The following VRK2 variants were observed in gnomAD, a reference collection of about 807,000 sequenced individuals.
VRK2 encodes the protein serine/threonine-protein kinase VRK2.
Under a neutral mutation model 57.6 loss-of-function variants are expected in VRK2, and 60 were observed. The observed-to-expected ratio is 1.04, with a 90% CI of 0.85 to 1.29. The LOEUF (loss-of-function observed/expected upper bound fraction) is 1.29. VRK2 is among the 50% of genes most tolerant of loss of function. The pLI, the probability that VRK2 is intolerant of heterozygous loss-of-function variation, is 0.00. For synonymous variants in VRK2, 231 were observed against 199.2 expected, an observed-to-expected ratio of 1.16 and a Z score of -1.35; for missense variants, 705 against 588.1, an observed-to-expected ratio of 1.20 and a Z score of -2.06.
At chr2:57,978,809 G>A (rs751131527) in intron 1 of VRK2, among the ~76,000 whole-genome samples, 14 of 149,506 alleles carry the variant, frequency 9.4e-5, no homozygotes, top group South Asian at 2.1e-4. Context: ...CCTCACCCCC[G>A]ACCCTACAAC....
At chr2:58,045,091 T>C (rs746371396), upstream of VRK2, among the ~76,000 whole-genome samples, 13 of 152,162 alleles carry the variant, frequency 8.5e-5, no homozygotes, top group Admixed American at 3.9e-4. Context: ...TGTGAGTAAA[T>C]TGGAATAACA....
chr2:57,952,981 T>C (rs143819797), intron 1 of VRK2, among the ~76,000 whole-genome samples: 18 of 152,314 alleles, frequency 1.2e-4, no homozygotes, highest in African/African-American at 3.4e-4. Context: ...CGTGGGATGA[T>C]GCATATCTGT....
chr2:58,061,517 A>T (rs1677340432), intron 2 of VRK2, among the ~76,000 whole-genome samples: 1 of 151,982 alleles, frequency 6.6e-6, no homozygotes, highest in Non-Finnish European at 1.5e-5. Flanking sequence ...GTTGCCAAAA[A>T]AGCAATACTT....
intron 12 of VRK2, among the ~76,000 whole-genome samples, chr2:58,155,625 C>T (rs191365465): frequency 6.6e-6 from 1 of 152,008 alleles, no homozygotes; most frequent in Non-Finnish European, 1.5e-5. Flanking sequence ...GTCAACAGGG[C>T]TCTACCTGTC....
In VRK2 at chr2:58,048,835, C is replaced by T. The variant is rs1193583209; in HGVS notation, c.4C>T (p.Pro2Ser). Residue 2 changes from proline to serine, a missense_variant, in exon 2 of 13, where the codon CCA becomes TCA. Coordinates refer to ENST00000340157, the MANE Select transcript of VRK2 (RefSeq NM_006296.7). M[P>S]PKRNEKYKLP... ...ACCCCTTCTGCCAACAGAAGTGATG[C>T]CACCAAAAAGAAATGAAAAATACAA... 1.9e-6 allele frequency: 3 copies of T among 1,613,150 alleles called. No individual in the cohort carries two copies. The highest frequency in any genetic ancestry group is 3.3e-5 in the Admixed American group (2 of 59,892).
At chr2:57,956,847 A>G (rs926993758) in intron 1 of VRK2, among the ~76,000 whole-genome samples, 23 of 152,196 alleles carry the variant, frequency 1.5e-4, no homozygotes, top group Admixed American at 1.3e-3. Flanking sequence ...CAGTTTTAAA[A>G]TGTCTGCCAT....
intron 7 of VRK2, among the ~76,000 whole-genome samples, chr2:58,105,498 T>C (rs559609645): frequency 6.6e-6 from 1 of 151,882 alleles, no homozygotes; most frequent in South Asian, 2.1e-4. Flanking sequence ...AACTGAGATA[T>C]CATCTTATGC....
Position 58,159,716 on chromosome 2 carries a change from G to A in VRK2, c.*23G>A, listed in dbSNP as rs763874552. On this transcript the variant is annotated 3_prime_UTR_variant, in exon 13 of 13. Coordinates refer to ENST00000340157, the MANE Select transcript of VRK2 (RefSeq NM_006296.7). ...TGAAGATGATACCAAAATTCCTTTT[G>A]ATAATTTTTTAAGTTTCCAGCTCTT... The A allele has an allele frequency of 3.7e-6, 6 of 1,611,596 alleles. No homozygotes were observed. The Admixed American group carries it at 1.0e-4, about 27-fold the overall frequency.
At chr2:58,039,557 C>A (rs1674380303) in intron 3 of VRK2, among the ~76,000 whole-genome samples, 1 of 152,026 alleles carries the variant, frequency 6.6e-6, no homozygotes, top group African/African-American at 2.4e-5. Context: ...TTGTCTTTCC[C>A]CAACTCATTA....
At chr2:57,933,415 C>T (rs1189816100) in intron 1 of VRK2, among the ~76,000 whole-genome samples, 2 of 141,848 alleles carry the variant, frequency 1.4e-5, no homozygotes, top group Non-Finnish European at 3.0e-5. Context: ...CAGGTTCAAG[C>T]GATTCTTCTG....
At position 57,932,793 on chromosome 2, in the gene VRK2, T is replaced by C. The variant is rs184219056; in HGVS notation, c.-439+24954T>C. ...GGTGTAAACTGAAGTTTTTATTTGA[T>C]ATTTTTCTTTGTTCTTCATGTAGGC... On this transcript the variant is annotated intron_variant, in intron 1 of 15. Coordinates refer to the VRK2 transcript ENST00000417641. 2.6e-3 allele frequency among the ~76,000 whole-genome samples: 401 copies of C among 152,270 alleles called. 1 individual carries two copies. The highest frequency in any genetic ancestry group is 9.2e-3 in the African/African-American group (383 of 41,572).
chr2:58,047,509 G>C (rs775332738), intron 1 of VRK2: 8 of 964,480 alleles, frequency 8.3e-6, no homozygotes, highest in Non-Finnish European at 9.9e-6. Flanking sequence ...CTCAAGCCCT[G>C]AGGCCGCTGC....
chr2:58,024,210 A>G (rs1051348193), intron 1 of VRK2, among the ~76,000 whole-genome samples: 2 of 152,154 alleles, frequency 1.3e-5, no homozygotes, highest in Admixed American at 1.3e-4. Context: ...AAAGATGAGG[A>G]GAGAGGAGAG....
chr2:58,129,618 A>G (rs992338403), intron 8 of VRK2, among the ~76,000 whole-genome samples: 1 of 152,216 alleles, frequency 6.6e-6, no homozygotes, highest in Non-Finnish European at 1.5e-5. Context: ...GTCATCTAGA[A>G]CATTTGTTTT....
chr2:58,009,094 T>C (rs1165970509), intron 1 of VRK2, among the ~76,000 whole-genome samples: 1 of 152,156 alleles, frequency 6.6e-6, no homozygotes, highest in African/African-American at 2.4e-5. Flanking sequence ...CCTCGCCTTC[T>C]AATACTAGCC....
At chr2:58,111,964 A>T (rs1025298149) in intron 7 of VRK2, among the ~76,000 whole-genome samples, 1 of 152,096 alleles carries the variant, frequency 6.6e-6, no homozygotes, top group African/African-American at 2.4e-5. Context: ...TCCCTTTACA[A>T]TTCTATAAAA....
chr2:58,087,664 A>G (rs1264362350), intron 5 of VRK2, among the ~76,000 whole-genome samples: 3 of 152,170 alleles, frequency 2.0e-5, no homozygotes, highest in East Asian at 1.9e-4. Flanking sequence ...TAGAGACGGT[A>G]TATATGATCT....
At chr2:58,067,760 A>G (rs936463370) in intron 2 of VRK2, among the ~76,000 whole-genome samples, 3 of 152,058 alleles carry the variant, frequency 2.0e-5, no homozygotes, top group Non-Finnish European at 2.9e-5. Context: ...CGTCTGTTAA[A>G]TATATTTTGA....
At chr2:58,085,930 C>CTTTTTTTTTTTT (rs59333442) in intron 4 of VRK2, among the ~76,000 whole-genome samples, 4 of 116,864 alleles carry the variant, frequency 3.4e-5, no homozygotes, top group Admixed American at 1.7e-4. Flanking sequence ...CTTTTTTTTT[C>CTTTTTTTTTTTT]TTTTTTTTTT....
Sources: gnomAD v4.1 joint callset for allele counts (sites outside exome capture counted in the v4.1 genomes callset) on GRCh38, gnomAD v4.1.1 for gene constraint, MANE v1.5 for transcripts, NCBI Gene and HGNC (gene_info 2026-07-23, HGNC 2026-07-21) for gene names.